ESRRB: variants seen among roughly 807,000 people sequenced by gnomAD.
ESRRB encodes estrogen related receptor beta, also known as steroid hormone receptor ERR2.
ESRRB carries 16 observed loss-of-function variants against 46.0 expected under a neutral mutation model. The observed-to-expected ratio is 0.35, with a 90% CI of 0.24 to 0.53. ESRRB has a LOEUF of 0.53. Ranked by LOEUF, ESRRB falls within the 20% of genes least tolerant of loss-of-function variation. The pLI is 0.93. For synonymous variants in ESRRB, 246 were observed against 259.6 expected (o/e 0.95, Z 0.50); for missense variants, 488 against 607.4 (o/e 0.80, Z 2.07).
chr14:76,396,688 G>A (rs1885695874), intron 1 of ESRRB, among the ~76,000 whole-genome samples: 1 of 152,162 alleles, frequency 6.6e-6, no homozygotes, highest in South Asian at 2.1e-4. Context: ...TGCTCCCCTG[G>A]TCCCCTGCAG....
At chr14:76,481,889 G>A (rs1889818108) in intron 3 of ESRRB, 127 bp from the exon 4 acceptor site, 2 of 824,524 alleles carry the variant, frequency 2.4e-6, no homozygotes, top group Admixed American at 4.0e-5. Context: ...TGGCCGTGGG[G>A]CAGCTGTCGA....
At chr14:76,423,170 G>C (rs1408341317) in intron 1 of ESRRB, among the ~76,000 whole-genome samples, 1 of 129,124 alleles carries the variant, frequency 7.7e-6, no homozygotes, top group East Asian at 2.3e-4. Context: ...TTTTGAGAGA[G>C]TCTCACTCTG....
chr14:76,340,116 G>T (rs945241386), intron 1 of ESRRB, among the ~76,000 whole-genome samples: 1 of 152,156 alleles, frequency 6.6e-6, no homozygotes, highest in Non-Finnish European at 1.5e-5. Flanking sequence ...GAGCCCAGGA[G>T]GCCGGAAAAG....
intron 5 of ESRRB, among the ~76,000 whole-genome samples, chr14:76,483,724 A>G (rs756737775): frequency 1.3e-5 from 2 of 152,162 alleles, no homozygotes; most frequent in Non-Finnish European, 2.9e-5. Context: ...GTAATGACCC[A>G]CCATGAACAT....
intron 2 of ESRRB, 27 bp from the exon 3 acceptor site, chr14:76,462,518 G>C (rs760139272): frequency 2.5e-6 from 4 of 1,590,140 alleles, no homozygotes; most frequent in Admixed American, 1.7e-5. Context: ...GCCAGCACCC[G>C]GCAACCCTCT....
At chr14:76,338,311 C>G (rs1026102992) in intron 1 of ESRRB, among the ~76,000 whole-genome samples, 8 of 152,222 alleles carry the variant, frequency 5.3e-5, no homozygotes, top group African/African-American at 1.7e-4. Context: ...ACCCAGGCAC[C>G]CTGGCTGCTG....
In ESRRB at chr14:76,462,680, T is replaced by C. The variant is rs1888921251; in HGVS notation, c.577+19T>C. ...AAGGAAGGTAAGAGACCCCACCGAG[T>C]CGGGGTTCACTGTGAGGCTCTGCTT... On this transcript the variant is annotated intron_variant, in intron 3 of 6. Transcript: ENST00000644823. 2.5e-6 allele frequency: 4 copies of C among 1,574,118 alleles called. No individual in the cohort carries two copies. The highest frequency in any genetic ancestry group is 2.6e-6 in the Non-Finnish European group (3 of 1,144,030).
chr14:76,442,041 C>G (rs1181626108), intron 2 of ESRRB, among the ~76,000 whole-genome samples: 1 of 152,208 alleles, frequency 6.6e-6, no homozygotes. Context: ...GGATATATTT[C>G]CACTTCCACA....
At chr14:76,462,432 A>C in intron 2 of ESRRB, 113 bp from the exon 3 acceptor site, 1 of 755,798 alleles carries the variant, frequency 1.3e-6, no homozygotes, top group Non-Finnish European at 2.3e-6. Context: ...TGAGAACACT[A>C]GGGGGGAGTG....
At chr14:76,440,963 G>A (rs776712247) in intron 2 of ESRRB, among the ~76,000 whole-genome samples, 20 of 152,300 alleles carry the variant, frequency 1.3e-4, no homozygotes, top group South Asian at 6.2e-4. Context: ...CAGGAGAATC[G>A]CTTGAACCCG....
intron 1 of ESRRB, among the ~76,000 whole-genome samples, chr14:76,360,938 T>C (rs1469048372): frequency 6.6e-6 from 1 of 152,236 alleles, no homozygotes; most frequent in African/African-American, 2.4e-5. Context: ...TGCCTCTGAC[T>C]GTGAGCTAAC....
chr14:76,463,819 T>C (rs1888993346), intron 3 of ESRRB, among the ~76,000 whole-genome samples: 1 of 152,126 alleles, frequency 6.6e-6, no homozygotes, highest in South Asian at 2.1e-4. Context: ...GGACAACTGC[T>C]CCAGGTCTCC....
intron 2 of ESRRB, among the ~76,000 whole-genome samples, chr14:76,461,186 C>T (rs59385955): frequency 0.049 from 7,505 of 152,282 alleles, 584 homozygotes; most frequent in African/African-American, 0.17. Flanking sequence ...CCAGGAAGAG[C>T]GCTGGAAGGT....
At chr14:76,447,731 C>T (rs1888211774) in intron 2 of ESRRB, among the ~76,000 whole-genome samples, 2 of 152,124 alleles carry the variant, frequency 1.3e-5, no homozygotes, top group Non-Finnish European at 2.9e-5. Flanking sequence ...CCCCTACCAC[C>T]CCGAACTAAC....
intron 3 of ESRRB, among the ~76,000 whole-genome samples, chr14:76,465,459 CCCA>C (rs1889065423): frequency 6.6e-6 from 1 of 152,112 alleles, no homozygotes; most frequent in Non-Finnish European, 1.5e-5. Flanking sequence ...GGTGGTGAGG[CCCA>C]CAATTGACCG....
chr14:76,498,099 G>C, intron 6 of ESRRB, 115 bp from the exon 7 acceptor site: 1 of 1,220,528 alleles, frequency 8.2e-7, no homozygotes. Flanking sequence ...TGTGAAGAGA[G>C]GGTTCTGAAG....
intron 1 of ESRRB, among the ~76,000 whole-genome samples, chr14:76,396,418 C>A (rs1018004888): frequency 1.3e-5 from 2 of 152,078 alleles, no homozygotes; most frequent in African/African-American, 4.8e-5. Flanking sequence ...AGGGAATGGG[C>A]TTAAGAATCC....
chr14:76,349,219 G>A (rs946490934), intron 1 of ESRRB, among the ~76,000 whole-genome samples: 1 of 152,202 alleles, frequency 6.6e-6, no homozygotes, highest in Non-Finnish European at 1.5e-5. Context: ...GCTATGGCGG[G>A]AGACAGCTCC....
chr14:76,415,040 C>T (rs984011783), intron 1 of ESRRB, among the ~76,000 whole-genome samples: 9 of 152,232 alleles, frequency 5.9e-5, no homozygotes, highest in Non-Finnish European at 1.0e-4. Flanking sequence ...ATCACAGCTA[C>T]CTCTGGGCCA....
Sources: gnomAD v4.1 joint callset for allele counts (sites outside exome capture counted in the v4.1 genomes callset) on GRCh38, gnomAD v4.1.1 for gene constraint, MANE v1.5 for transcripts, NCBI Gene and HGNC (gene_info 2026-07-23, HGNC 2026-07-21) for gene names.